Variants in ROBO2 observed in about 807,000 individuals in gnomAD.
ROBO2 encodes roundabout guidance receptor 2, also known as roundabout homolog 2.
Under a neutral mutation model 160.8 loss-of-function variants are expected in ROBO2, and 53 were observed. The ratio of observed to expected loss-of-function variants is 0.33; its 90% CI spans 0.26 to 0.41. ROBO2 has a LOEUF of 0.41. ROBO2 is among the 10% of genes least tolerant of loss of function. ROBO2 has a pLI of 1.00. For missense variants in ROBO2, 1,577 were observed against 1,722.4 expected (o/e 0.92, Z 1.49); for synonymous variants, 664 against 611.7 (o/e 1.09, Z -1.26).
intron 2 of ROBO2, among the ~76,000 whole-genome samples, chr3:77,360,786 C>T (rs1394362191): frequency 6.6e-6 from 1 of 152,108 alleles, no homozygotes; most frequent in Non-Finnish European, 1.5e-5. Context: ...CCCATCTCCA[C>T]ATTTTCACAA....
chr3:75,920,426 G>A (rs1201947470), intron 1 of ROBO2, among the ~76,000 whole-genome samples: 12 of 152,148 alleles, frequency 7.9e-5, no homozygotes, highest in Admixed American at 3.9e-4. Flanking sequence ...TTTTGCATTT[G>A]CTGAGGAGTG....
chr3:77,317,333 T>C (rs1396394630), intron 2 of ROBO2: 2 of 789,264 alleles, frequency 2.5e-6, no homozygotes, highest in Non-Finnish European at 4.4e-6. Context: ...TCAGGCCACG[T>C]GCAAGCTGAC....
At chr3:76,904,064 T>G (rs1027821759) in intron 2 of ROBO2, among the ~76,000 whole-genome samples, 1 of 152,236 alleles carries the variant, frequency 6.6e-6, no homozygotes, top group African/African-American at 2.4e-5. Flanking sequence ...GGATAATTTT[T>G]TTTTGTTAAT....
At chr3:76,996,305 G>C in intron 2 of ROBO2, among the ~76,000 whole-genome samples, 1 of 152,068 alleles carries the variant, frequency 6.6e-6, no homozygotes, top group East Asian at 1.9e-4. Flanking sequence ...TGTCCCATTG[G>C]TCTATATCTC....
At chr3:76,089,555 C>T (rs979585420) in intron 2 of ROBO2, among the ~76,000 whole-genome samples, 4 of 152,068 alleles carry the variant, frequency 2.6e-5, no homozygotes, top group African/African-American at 9.7e-5. Context: ...TAACCCATCA[C>T]ATCAACAGAC....
intron 2 of ROBO2, among the ~76,000 whole-genome samples, chr3:77,307,168 C>T (rs888582821): frequency 5.3e-5 from 8 of 152,166 alleles, no homozygotes; most frequent in African/African-American, 1.9e-4. Flanking sequence ...CTCCTACATG[C>T]ATCCTGGCCT....
intron 2 of ROBO2, among the ~76,000 whole-genome samples, chr3:77,278,476 T>C (rs531329237): frequency 6.6e-6 from 1 of 152,164 alleles, no homozygotes; most frequent in Non-Finnish European, 1.5e-5. Flanking sequence ...ATTAGGCTAA[T>C]TTATGCAAGA....
chr3:77,622,397 G>A (rs2094920835), exon 23 of ROBO2: 1 of 1,614,088 alleles, frequency 6.2e-7, no homozygotes, highest in Non-Finnish European at 8.5e-7. Context: ...CAGACTCCTG[G>A]ATCCAGCATG....
intron 1 of ROBO2, among the ~76,000 whole-genome samples, chr3:77,041,947 G>A (rs934863095): frequency 6.6e-6 from 1 of 152,144 alleles, no homozygotes; most frequent in Admixed American, 6.5e-5. Flanking sequence ...TTTGCATTGT[G>A]GATGAATTCA....
intron 24 of ROBO2, among the ~76,000 whole-genome samples, chr3:77,640,873 A>T (rs930713838): frequency 6.6e-6 from 1 of 152,202 alleles, no homozygotes; most frequent in African/African-American, 2.4e-5. Flanking sequence ...ATTACTTATG[A>T]AGCTATATAA....
At chr3:76,393,838 G>T (rs1445322005) in intron 2 of ROBO2, among the ~76,000 whole-genome samples, 2 of 152,138 alleles carry the variant, frequency 1.3e-5, no homozygotes, top group African/African-American at 4.8e-5. Context: ...TAGTAACATG[G>T]TCCAGGTTTT....
chr3:76,275,887 G>A (rs1458718760), intron 2 of ROBO2, among the ~76,000 whole-genome samples: 3 of 151,964 alleles, frequency 2.0e-5, no homozygotes, highest in African/African-American at 7.2e-5. Flanking sequence ...CAAAAGCAAT[G>A]TGCTTATAAA....
Position 76,251,522 on chromosome 3 carries a change from C to T in ROBO2, c.109+313920C>T, listed in dbSNP as rs535584629. Among the ~76,000 whole-genome samples the T allele has an allele frequency of 2.6e-5, 4 of 152,022 alleles. No homozygotes were observed. The South Asian group carries it at 6.2e-4, about 24-fold the overall frequency. The stretch of plus-strand genomic sequence containing the variant: ...GTGGTAAAATGGTCAATTTCTGTAC[C>T]GGATCATACTTGTAAATTCTCTAGC... On this transcript the variant is annotated intron_variant, in intron 2 of 26. Coordinates refer to the ROBO2 transcript ENST00000487694.
At chr3:76,130,276 CA>C (rs1445244034) in intron 2 of ROBO2, among the ~76,000 whole-genome samples, 2 of 152,024 alleles carry the variant, frequency 1.3e-5, no homozygotes, top group African/African-American at 4.8e-5. Flanking sequence ...TTTATTGCAA[CA>C]TCAGTTTGGG....
At chr3:75,936,256 T>C (rs548571023) in intron 1 of ROBO2, among the ~76,000 whole-genome samples, 1 of 152,284 alleles carries the variant, frequency 6.6e-6, no homozygotes, top group Non-Finnish European at 1.5e-5. Flanking sequence ...TAATTAAATC[T>C]TCCCCTTTCA....
chr3:76,262,847 G>A (rs1264022362), intron 2 of ROBO2, among the ~76,000 whole-genome samples: 1 of 152,088 alleles, frequency 6.6e-6, no homozygotes, highest in Non-Finnish European at 1.5e-5. Context: ...ATTATGCTTG[G>A]TAGGGCACAG....
At chr3:76,847,087 G>A (rs1045430064) in intron 2 of ROBO2, among the ~76,000 whole-genome samples, 2 of 152,064 alleles carry the variant, frequency 1.3e-5, no homozygotes, top group Non-Finnish European at 2.9e-5. Flanking sequence ...TGGTTAATTT[G>A]CTACTGTCCA....
chr3:76,265,679 C>G (rs1707056635), intron 2 of ROBO2, among the ~76,000 whole-genome samples: 1 of 152,038 alleles, frequency 6.6e-6, no homozygotes, highest in Non-Finnish European at 1.5e-5. Context: ...ATTATGATTC[C>G]CATTATACAG....
chr3:76,337,774 G>C (rs1195411168), intron 2 of ROBO2, among the ~76,000 whole-genome samples: 1 of 152,162 alleles, frequency 6.6e-6, no homozygotes, highest in Non-Finnish European at 1.5e-5. Flanking sequence ...CAGCAAGAAT[G>C]AAATTGGGAT....
Sources: gnomAD v4.1 joint callset for allele counts (sites outside exome capture counted in the v4.1 genomes callset) on GRCh38, gnomAD v4.1.1 for gene constraint, MANE v1.5 for transcripts, NCBI Gene and HGNC (gene_info 2026-07-23, HGNC 2026-07-21) for gene names.